Variants in PARPBP observed in about 807,000 individuals in gnomAD.
PARPBP encodes PARP1 binding protein, also known as PCNA-interacting partner.
Under a neutral mutation model 50.0 loss-of-function variants are expected in PARPBP, and 52 were observed. That is an observed-to-expected ratio of 1.04 (90% CI 0.83 to 1.31). The LOEUF is 1.31. PARPBP is among the 50% of genes most tolerant of loss of function. PARPBP has a pLI of 0.00. For synonymous variants in PARPBP, 244 were observed against 232.1 expected, an observed-to-expected ratio of 1.05 and a Z score of -0.47; for missense variants, 697 against 672.0, an observed-to-expected ratio of 1.04 and a Z score of -0.41.
At position 102,123,979 on chromosome 12, in the gene PARPBP, C is replaced by T; in HGVS notation, c.91C>T (p.Leu31=). The change falls in exon 2 of 11, where the codon CTA becomes TTA. Residue 31 remains leucine (L), a synonymous_variant. Coordinates refer to ENST00000327680, the MANE Select transcript of PARPBP (RefSeq NM_017915.5). Reference sequence around the variant, plus strand: ...TCTTTGTAACTCTGAGAGAACTACTCTATGTGGTGCAGACTCCATGCTCTT... The same window carrying T: ...TCTTTGTAACTCTGAGAGAACTACTTTATGTGGTGCAGACTCCATGCTCTT... ...RALCNSERTT[L]CGADSMLLAL... is the part of the protein sequence containing the mutation. 1 of 1,533,598 alleles carries T rather than the reference C, an allele frequency of 6.5e-7. No individual in the cohort carries two copies. Among genetic ancestry groups the T allele is most frequent in the Non-Finnish European group, 8.7e-7 (1 of 1,144,644 alleles). The allele number at this position is 1,533,598 out of a possible 1,614,324, so 95.0% of individuals were successfully genotyped here.
chr12:102,133,591 AT>A (rs1045139306), intron 2 of PARPBP, among the ~76,000 whole-genome samples: 6 of 149,504 alleles, frequency 4.0e-5, no homozygotes, highest in Admixed American at 1.3e-4. Context: ...TTGTCCTCTA[AT>A]TTTTTTTTTC....
Position 102,182,308 on chromosome 12 carries a change from A to C in PARPBP, c.1185-241A>C, listed in dbSNP as rs112707612. Reference sequence around the variant, plus strand: ...ACAGATATTGGAATGTACTAATTCCAGCTAATTCCATGTTTAAGATAGGCT... The same window carrying C: ...ACAGATATTGGAATGTACTAATTCCCGCTAATTCCATGTTTAAGATAGGCT... On this transcript the variant is annotated intron_variant, in intron 8 of 10. Transcript: ENST00000327680. 1.3e-4 allele frequency among the ~76,000 whole-genome samples: 20 copies of C among 152,296 alleles called. No individual in the cohort carries two copies. The East Asian group carries it at 3.7e-3, about 28-fold the overall frequency.
At chr12:102,162,919 CTT>C (rs1183791038) in intron 4 of PARPBP, among the ~76,000 whole-genome samples, 5 of 151,590 alleles carry the variant, frequency 3.3e-5, no homozygotes, top group Non-Finnish European at 7.4e-5. Flanking sequence ...TGTAAGAACT[CTT>C]TGCCTTATTC....
Position 102,196,769 on chromosome 12 carries a change from A to G in PARPBP, c.*478A>G, listed in dbSNP as rs956578881. On this transcript the variant is annotated 3_prime_UTR_variant, in exon 11 of 11. Coordinates refer to ENST00000327680, the MANE Select transcript of PARPBP (RefSeq NM_017915.5). The stretch of plus-strand genomic sequence containing the variant: ...TATCACACAAAATTTATTAAGAAAA[A>G]AAGAATGGATCTAGTATAACTAATT... 6.3e-6 allele frequency: 8 copies of G among 1,275,632 alleles called. No individual in the cohort carries two copies. The highest frequency in any genetic ancestry group is 9.1e-6 in the Non-Finnish European group (8 of 877,794). The allele number at this position is 1,275,632 out of a possible 1,614,324, so 79.0% of individuals were successfully genotyped here.
chr12:102,190,857 G>A (rs139162897), intron 9 of PARPBP, among the ~76,000 whole-genome samples: 2 of 152,106 alleles, frequency 1.3e-5, no homozygotes, highest in African/African-American at 4.8e-5. Context: ...AAATGAAATG[G>A]GTGGGGCCTA....
intron 2 of PARPBP, among the ~76,000 whole-genome samples, chr12:102,130,119 G>A (rs1403774340): frequency 2.6e-5 from 4 of 152,130 alleles, no homozygotes; most frequent in Admixed American, 1.3e-4. Flanking sequence ...CTTCAACAAA[G>A]CTGATGAAAA....
intron 9 of PARPBP, among the ~76,000 whole-genome samples, chr12:102,192,534 C>G (rs144600755): frequency 1.9e-4 from 29 of 152,150 alleles, no homozygotes; most frequent in African/African-American, 7.0e-4. Context: ...ATTTAAATCT[C>G]TAGGTCTTTT....
rs775341882 is a variant in PARPBP, at chr12:102,196,160, C to T, written c.1609C>T (p.Pro537Ser). The change falls in exon 11 of 11, where the codon CCT becomes TCT. Residue 537 changes from proline to serine, a missense_variant. Transcript: ENST00000327680. Reference sequence around the variant, plus strand: ...ACCTCAACATAAAAATGCTAAAATACCTAAGAAATCAAATGATTCACAGAA... The same window carrying T: ...ACCTCAACATAAAAATGCTAAAATATCTAAGAAATCAAATGATTCACAGAA... ...EPPQHKNAKI[P>S]KKSNDSQNRL... 3.7e-6 allele frequency: 6 copies of T among 1,611,446 alleles called. No individual in the cohort carries two copies. Among genetic ancestry groups the T allele is most frequent in the Middle Eastern group, 1.6e-4 (1 of 6,068 alleles).
chr12:102,195,892 C>T (rs956485932), intron 10 of PARPBP, 59 bp from the exon 11 acceptor site: 99 of 1,106,938 alleles, frequency 8.9e-5, no homozygotes, highest in Middle Eastern at 4.3e-4. Flanking sequence ...GTAAAGTTCT[C>T]GTAAATATTA....
In PARPBP at chr12:102,196,219, AAGTAATAAAT is replaced by A; in HGVS notation, c.1669_1678del (p.Ser557ValfsTer7). 6.2e-7 allele frequency: 1 copy of A among 1,611,096 alleles called. No individual in the cohort carries two copies. Among genetic ancestry groups the A allele is most frequent in the Non-Finnish European group, 8.5e-7 (1 of 1,178,506 alleles). ...ACGGCAAACTAGCTAAAGTAGCAAAAAGTAATAAATGTACTGCCAAGGACAAGTTGATTTC... is the reference window on the plus strand; with the variant it reads ...ACGGCAAACTAGCTAAAGTAGCAAAAGTACTGCCAAGGACAAGTTGATTTC... On this transcript the variant is annotated frameshift_variant, in exon 11 of 11. Coordinates refer to ENST00000327680, the MANE Select transcript of PARPBP (RefSeq NM_017915.5). LOFTEE classifies it high-confidence loss of function.
chr12:102,186,741 C>A (rs1890338023), intron 9 of PARPBP, among the ~76,000 whole-genome samples: 1 of 152,030 alleles, frequency 6.6e-6, no homozygotes, highest in Admixed American at 6.6e-5. Flanking sequence ...AGGTCTTTTC[C>A]TTATTCTGAG....
At position 102,182,546 on chromosome 12, in the gene PARPBP, T is replaced by C; in HGVS notation, c.1185-3T>C. The C allele has an allele frequency of 6.3e-7, 1 of 1,588,158 alleles. No individual in the cohort carries two copies. On this transcript the variant is annotated splice_region_variant and splice_polypyrimidine_tract_variant and intron_variant, in intron 8 of 10. Coordinates refer to ENST00000327680, the MANE Select transcript of PARPBP (RefSeq NM_017915.5). The stretch of plus-strand genomic sequence containing the variant: ...ATTTTTGCCTTTTTTTTTTTTGACA[T>C]AGGTCTCCCACACAGGTGAATAATT...
At chr12:102,157,353 A>T (rs1293354822) in intron 4 of PARPBP, among the ~76,000 whole-genome samples, 1 of 152,190 alleles carries the variant, frequency 6.6e-6, no homozygotes, top group Non-Finnish European at 1.5e-5. Flanking sequence ...GTATTTTAAA[A>T]TATCATTTAC....
chr12:102,131,474 C>G (rs1269655397), intron 2 of PARPBP, among the ~76,000 whole-genome samples: 1 of 152,166 alleles, frequency 6.6e-6, no homozygotes, highest in Non-Finnish European at 1.5e-5. Flanking sequence ...TTTGACCCAG[C>G]AATCCCATTA....
At chr12:102,166,401 G>C (rs1271061101) in intron 6 of PARPBP, among the ~76,000 whole-genome samples, 1 of 152,058 alleles carries the variant, frequency 6.6e-6, no homozygotes, top group Non-Finnish European at 1.5e-5. Context: ...TTGGTATATT[G>C]AGTGGTAAGT....
chr12:102,176,476 G>A (rs139443507), intron 7 of PARPBP, among the ~76,000 whole-genome samples: 30 of 152,040 alleles, frequency 2.0e-4, no homozygotes, highest in African/African-American at 6.3e-4. Context: ...ACTAAAACCT[G>A]TACCTGGCAA....
intron 9 of PARPBP, among the ~76,000 whole-genome samples, chr12:102,192,430 G>C (rs1248580392): frequency 2.0e-5 from 3 of 152,074 alleles, no homozygotes. Flanking sequence ...CAGGTCTTCT[G>C]ACTGCAAATC....
intron 8 of PARPBP, among the ~76,000 whole-genome samples, chr12:102,182,242 A>T (rs1397230080): frequency 2.6e-5 from 4 of 152,154 alleles, no homozygotes; most frequent in African/African-American, 9.7e-5. Context: ...CATGGCGGTA[A>T]ACAACTGATA....
rs200316565 is a variant in PARPBP, at chr12:102,195,264, A to G, written c.1264-48A>G. On this transcript the variant is annotated intron_variant, in intron 9 of 10. Coordinates refer to ENST00000327680, the MANE Select transcript of PARPBP (RefSeq NM_017915.5). ...TGTGTGTCTATCTAGATGAAGAAAT[A>G]AAATAATGAATAAATTTGCATATTT... 2,250 of 1,234,626 alleles carry G rather than the reference A, an allele frequency of 1.8e-3. 3 individuals carry two copies. The highest frequency in any genetic ancestry group is 2.4e-3 in the Non-Finnish European group (2,110 of 873,578). The allele number at this position is 1,234,626 out of a possible 1,614,324, so 76.5% of individuals were successfully genotyped here.
Sources: allele counts gnomAD v4.1 joint callset (sites outside exome capture counted in the v4.1 genomes callset), GRCh38; gene constraint gnomAD v4.1.1; transcripts MANE v1.5; gene names NCBI Gene and HGNC (gene_info 2026-07-23, HGNC 2026-07-21).